The following LGI1 variants were observed in gnomAD, a reference collection of about 807,000 sequenced individuals.
LGI1 encodes leucine rich glioma inactivated 1.
LGI1 carries 11 observed loss-of-function variants against 57.7 expected under a neutral mutation model. The observed-to-expected ratio is 0.19, with a 90% CI of 0.12 to 0.32. The LOEUF (loss-of-function observed/expected upper bound fraction) is 0.32, where lower values mean the gene tolerates loss of function less well. LGI1 is among the 10% of genes least tolerant of loss of function. The pLI is 1.00. For synonymous variants in LGI1, 222 were observed against 241.9 expected, an observed-to-expected ratio of 0.92 and a Z score of 0.76; for missense variants, 422 against 661.9, an observed-to-expected ratio of 0.64 and a Z score of 3.98.
intron 4 of LGI1, 22 bp downstream of exon 4, chr10:93,777,639 A>G (rs1212151494): frequency 1.9e-6 from 3 of 1,584,148 alleles, no homozygotes; most frequent in Non-Finnish European, 2.6e-6. Context: ...TGTTGCTATT[A>G]CTTTTTAAGC....
intron 4 of LGI1, among the ~76,000 whole-genome samples, chr10:93,784,185 CTG>C (rs1328036961): frequency 6.6e-6 from 1 of 152,182 alleles, no homozygotes; most frequent in Non-Finnish European, 1.5e-5. Context: ...CTCTCATTGA[CTG>C]TGTCTTCACC....
At chr10:93,782,465 C>T (rs1321420027) in intron 4 of LGI1, among the ~76,000 whole-genome samples, 6 of 152,180 alleles carry the variant, frequency 3.9e-5, no homozygotes, top group Non-Finnish European at 8.8e-5. Flanking sequence ...GTAAGCACCA[C>T]TGTATAACTA....
At chr10:93,772,658 T>C (rs1252272965) in intron 2 of LGI1, 1 of 152,210 alleles carries the variant, frequency 6.6e-6, no homozygotes, top group Non-Finnish European at 1.5e-5. Flanking sequence ...ATATGCATTA[T>C]GCTTATGCAT....
intron 7 of LGI1, among the ~76,000 whole-genome samples, 198 bp downstream of exon 7, chr10:93,793,548 A>AG (rs2059953872): frequency 2.0e-5 from 3 of 152,352 alleles, no homozygotes; most frequent in Admixed American, 1.3e-4. Context: ...TTAACTCACA[A>AG]GGTTGTTAAT....
Position 93,758,475 on chromosome 10 carries a change from C to A in LGI1, c.215+116C>A. On this transcript the variant is annotated intron_variant, in intron 1 of 7. Transcript: ENST00000371418. This position sits in a 1 kb window ranked among gnomAD's most constrained non-coding sequence, Gnocchi z 4.7. ...TGGAGAGAGAGATTCCTCTTGCATG[C>A]TTGGCCATTTGACAGTGCTAACATT... The A allele has an allele frequency of 9.1e-7, 1 of 1,094,272 alleles. No individual in the cohort carries two copies. The highest frequency in any genetic ancestry group is 1.4e-6 in the Non-Finnish European group (1 of 721,978). 67.8% of individuals were successfully genotyped at this position (1,094,272 alleles called of 1,614,324 possible). A position where few individuals can be genotyped will look rare whatever the true frequency, so the allele number is the denominator to read the frequency against.
chr10:93,772,388 A>T (rs548320360), intron 2 of LGI1, among the ~76,000 whole-genome samples: 1 of 152,258 alleles, frequency 6.6e-6, no homozygotes, highest in African/African-American at 2.4e-5. Flanking sequence ...TATCATAAGG[A>T]AATAAGTAGA....
intron 7 of LGI1, 60 bp from the exon 8 acceptor site, chr10:93,796,908 T>C (rs779426381): frequency 2.2e-6 from 3 of 1,368,452 alleles, no homozygotes; most frequent in Non-Finnish European, 3.1e-6. Flanking sequence ...CCAGCCCGCA[T>C]GTTTACATGC....
chr10:93,782,214 A>T (rs1011123613), intron 4 of LGI1, among the ~76,000 whole-genome samples: 1 of 152,238 alleles, frequency 6.6e-6, no homozygotes, highest in Non-Finnish European at 1.5e-5. Context: ...TAGGCTTCAA[A>T]GTGCACTTTT....
At chr10:93,779,552 G>A (rs2059828204) in intron 4 of LGI1, among the ~76,000 whole-genome samples, 1 of 151,330 alleles carries the variant, frequency 6.6e-6, no homozygotes, top group Admixed American at 6.6e-5. Context: ...AAGGAGGGAA[G>A]GGGAAGAGGA....
At position 93,758,757 on chromosome 10, in the gene LGI1, C is replaced by T. The variant is rs1461103422; in HGVS notation, c.216-3C>T. 3.1e-6 allele frequency: 5 copies of T among 1,608,802 alleles called. No individual in the cohort carries two copies. Among genetic ancestry groups the T allele is most frequent in the Non-Finnish European group, 3.4e-6 (4 of 1,175,878 alleles). On this transcript the variant is annotated splice_region_variant and splice_polypyrimidine_tract_variant and intron_variant, in intron 1 of 7. Transcript: ENST00000371418. The surrounding 1 kb of genome is among the most constrained non-coding windows in gnomAD (Gnocchi z 4.7). ...TTGTTTTCTCTTTTTTGTTTTCTTTCAGATCCTTTGTGAGATCTGGTTTTA... is the reference window on the plus strand; with the variant it reads ...TTGTTTTCTCTTTTTTGTTTTCTTTTAGATCCTTTGTGAGATCTGGTTTTA...
chr10:93,772,768 A>G (rs2059753004), intron 2 of LGI1: 1 of 152,150 alleles, frequency 6.6e-6, no homozygotes, highest in South Asian at 2.1e-4. Context: ...TTATTTATAA[A>G]CAGAATTCAC....
chr10:93,781,202 AC>A (rs1475310129), intron 4 of LGI1, among the ~76,000 whole-genome samples: 1 of 152,036 alleles, frequency 6.6e-6, no homozygotes, highest in African/African-American at 2.4e-5. Flanking sequence ...ACTAAAAAAT[AC>A]AAAAAATTAG....
In LGI1 at chr10:93,796,989, A is replaced by T; in HGVS notation, c.860A>T (p.Lys287Met). Reference sequence around the variant, plus strand: ...CCAGGCACATCCACTGTAGTATGCAAGCCTATAGTCATTGAAACTCAGCTC... The same window carrying T: ...CCAGGCACATCCACTGTAGTATGCATGCCTATAGTCATTGAAACTCAGCTC... ...NITGTSTVVC[K>M]PIVIETQLYV... The change falls in exon 8 of 8, where the codon AAG (lysine) becomes ATG (methionine). Residue 287 changes from lysine (K) to methionine (M), a missense_variant. By Grantham distance (95) the Lys-to-Met change is moderately conservative (BLOSUM62 -1). Transcript: ENST00000371418. 2 of 1,614,018 alleles carry T rather than the reference A, an allele frequency of 1.2e-6. No homozygotes were observed. The highest frequency in any genetic ancestry group is 1.7e-6 in the Non-Finnish European group (2 of 1,179,942).
intron 4 of LGI1, chr10:93,780,451 C>T (rs2059837061): frequency 6.6e-6 from 1 of 152,186 alleles, no homozygotes; most frequent in Non-Finnish European, 1.5e-5. Flanking sequence ...CACCTCAGAT[C>T]AATCCTTCCC....
intron 2 of LGI1, chr10:93,770,931 T>C (rs763262550): frequency 7.9e-5 from 12 of 152,166 alleles, no homozygotes; most frequent in Non-Finnish European, 1.5e-4. Flanking sequence ...TCTAAATACT[T>C]TCATTTTTTA....
chr10:93,796,904 C>A, intron 7 of LGI1, 64 bp from the exon 8 acceptor site: 3 of 1,313,730 alleles, frequency 2.3e-6, no homozygotes, highest in Middle Eastern at 1.9e-4. Context: ...GGCCCCAGCC[C>A]GCATGTTTAC....
At chr10:93,793,140 A>G in intron 6 of LGI1, 46 bp from the exon 7 acceptor site, 1 of 1,487,262 alleles carries the variant, frequency 6.7e-7, no homozygotes, top group East Asian at 2.3e-5. Flanking sequence ...CTAGCCAAGG[A>G]AAGAGGTATT....
chr10:93,779,729 C>T (rs887859459), intron 4 of LGI1, among the ~76,000 whole-genome samples: 1 of 152,218 alleles, frequency 6.6e-6, no homozygotes, highest in African/African-American at 2.4e-5. Flanking sequence ...ATACAGAACA[C>T]GCTTAACATT....
intron 5 of LGI1, chr10:93,791,116 A>G (rs772457960): frequency 2.0e-5 from 3 of 152,244 alleles, no homozygotes; most frequent in Non-Finnish European, 4.4e-5. Context: ...TGTTCCTTGC[A>G]GTATTTCCCC....
Sources: gnomAD v4.1 joint callset for allele counts (sites outside exome capture counted in the v4.1 genomes callset) on GRCh38, gnomAD v4.1.1 for gene constraint, Gnocchi (gnomAD v3.1) non-coding constraint, MANE v1.5 for transcripts, NCBI Gene and HGNC (gene_info 2026-07-23, HGNC 2026-07-21) for gene names.